UTP20: variants seen among roughly 807,000 people sequenced by gnomAD.
UTP20 encodes the protein small subunit processome component 20 homolog.
UTP20 carries 164 observed loss-of-function variants against 329.5 expected under a neutral mutation model. The ratio of observed to expected loss-of-function variants is 0.50; its 90% CI spans 0.44 to 0.57. UTP20 has a LOEUF of 0.57. UTP20 is among the 20% of genes least tolerant of loss of function. The pLI is 0.00. For missense variants in UTP20, 3,055 were observed against 3,284.2 expected, an observed-to-expected ratio of 0.93 and a Z score of 1.71; for synonymous variants, 1,151 against 1,159.3, an observed-to-expected ratio of 0.99 and a Z score of 0.14.
At chr12:101,326,819 G>A (rs1270347393) in intron 25 of UTP20, 1 of 240,812 alleles carries the variant, frequency 4.2e-6, no homozygotes, top group Non-Finnish European at 7.9e-6. Context: ...AAACTCCTGA[G>A]CTCAAGTGAT....
chr12:101,291,526 G>A, intron 8 of UTP20: 1 of 285,784 alleles, frequency 3.5e-6, no homozygotes, highest in Non-Finnish European at 5.8e-6. Context: ...GGCAATAAGA[G>A]TGAAACTCCA....
At chr12:101,309,732 C>A in intron 18 of UTP20, 31 bp from the exon 19 acceptor site, 1 of 1,597,258 alleles carries the variant, frequency 6.3e-7, no homozygotes, top group Non-Finnish European at 8.6e-7. Flanking sequence ...ATTTCATTAC[C>A]CAATACTAAA....
Position 101,345,675 on chromosome 12 carries a change from A to G in UTP20, c.4727A>G (p.Glu1576Gly). 6.2e-7 allele frequency: 1 copy of G among 1,609,510 alleles called. No individual in the cohort carries two copies. The highest frequency in any genetic ancestry group is 1.1e-5 in the South Asian group (1 of 89,440). ...HYHDPEMDFF[E>G]NMKHIQIHRR... ...CATGACCCAGAAATGGACTTCTTTG[A>G]GAACATGAAGCACATTCAGGTAGAA... Residue 1576 changes from glutamate (E) to glycine (G), a missense_variant, in exon 37 of 62, where the codon GAG becomes GGG. Coordinates refer to ENST00000261637, the MANE Select transcript of UTP20 (RefSeq NM_014503.3).
chr12:101,375,544 A>G, intron 55 of UTP20, 80 bp from the exon 56 acceptor site: 1 of 1,480,376 alleles, frequency 6.8e-7, no homozygotes, highest in South Asian at 1.2e-5. Context: ...AAACGGGTGG[A>G]TTGATGTGCT....
intron 7 of UTP20, among the ~76,000 whole-genome samples, chr12:101,290,524 G>T (rs1199361426): frequency 6.6e-6 from 1 of 152,180 alleles, no homozygotes; most frequent in Non-Finnish European, 1.5e-5. Flanking sequence ...GGCAAGGGCA[G>T]GTGGGGAGGG....
intron 7 of UTP20, 89 bp downstream of exon 7, chr12:101,290,363 C>T (rs1365916780): frequency 1.5e-5 from 22 of 1,447,702 alleles, no homozygotes; most frequent in Non-Finnish European, 1.9e-5. Context: ...GGAGGGAAGA[C>T]AGCCTAGAGT....
At chr12:101,295,182 G>A (rs1358639643) in intron 11 of UTP20, among the ~76,000 whole-genome samples, 2 of 152,078 alleles carry the variant, frequency 1.3e-5, no homozygotes, top group Non-Finnish European at 2.9e-5. Flanking sequence ...ATAATTTCCT[G>A]GGGGTAGGGA....
intron 26 of UTP20, among the ~76,000 whole-genome samples, chr12:101,327,973 G>A (rs1482481649): frequency 1.3e-5 from 2 of 152,152 alleles, no homozygotes; most frequent in Non-Finnish European, 2.9e-5. Context: ...GCTTAGAAAG[G>A]TATTTCACCC....
intron 38 of UTP20, among the ~76,000 whole-genome samples, chr12:101,351,425 C>T (rs752415014): frequency 1.3e-5 from 2 of 152,036 alleles, no homozygotes; most frequent in Admixed American, 6.5e-5. Flanking sequence ...GCGCCTGGTC[C>T]GTTTCATGTA....
rs35235306 is a variant in UTP20 at position 101,380,863 on chromosome 12, TAA to T, written c.7585-255_7585-254del. ...CGGGCCACAGAGTGAGACTCTGTCTTAAAAAAAAAAAAAAAAAAAAAAATGTA... is the reference window on the plus strand; with the variant it reads ...CGGGCCACAGAGTGAGACTCTGTCTTAAAAAAAAAAAAAAAAAAAAATGTA... On this transcript the variant is annotated intron_variant, in intron 57 of 61. Coordinates refer to ENST00000261637, the MANE Select transcript of UTP20 (RefSeq NM_014503.3). Among the ~76,000 whole-genome samples, 1,108 of 115,106 alleles carry T rather than the reference TAA, an allele frequency of 9.6e-3. 21 individuals carry two copies. The highest frequency in any genetic ancestry group is 0.032 in the African/African-American group (985 of 30,528). 75.5% of individuals were successfully genotyped at this position (115,106 alleles called of 152,430 possible).
intron 38 of UTP20, among the ~76,000 whole-genome samples, chr12:101,349,631 G>A (rs977250489): frequency 1.3e-5 from 2 of 152,054 alleles, no homozygotes; most frequent in Non-Finnish European, 2.9e-5. Context: ...GGTAGAGACA[G>A]GGTTTCATTA....
At chr12:101,307,377 T>C (rs1449851171) in intron 17 of UTP20, among the ~76,000 whole-genome samples, 3 of 151,506 alleles carry the variant, frequency 2.0e-5, no homozygotes, top group Non-Finnish European at 4.4e-5. Context: ...ATCTACCACA[T>C]ACCTCATTTC....
chr12:101,312,008 G>A (rs763140843), intron 20 of UTP20, 28 bp from the exon 21 acceptor site: 1 of 1,613,356 alleles, frequency 6.2e-7, no homozygotes. Context: ...TATTTGTCTG[G>A]TGGTTATGAC....
In UTP20 at chr12:101,365,438, A is replaced by T. The variant is rs137918401; in HGVS notation, c.5959-21A>T. ...TGCATTTCTGTGTCATCTCAGCATG[A>T]CATTTATGTTTTGCCTTTAGATCTT... is the stretch of plus-strand genomic sequence containing the variant. On this transcript the variant is annotated intron_variant, in intron 45 of 61. Transcript: ENST00000261637. 2.5e-6 allele frequency: 4 copies of T among 1,573,114 alleles called. No homozygotes were observed. In the African/African-American group the frequency reaches 4.1e-5, roughly 16 times the overall value.
At chr12:101,373,340 T>A in intron 52 of UTP20, 61 bp from the exon 53 acceptor site, 2 of 1,473,940 alleles carry the variant, frequency 1.4e-6, no homozygotes, top group Non-Finnish European at 1.9e-6. Flanking sequence ...TTTTCATTTT[T>A]TAAATAATTA....
chr12:101,299,647 C>G (rs748356240), intron 12 of UTP20, 35 bp from the exon 13 acceptor site: 4 of 1,529,304 alleles, frequency 2.6e-6, no homozygotes, highest in Non-Finnish European at 2.6e-6. Context: ...CGATTACATT[C>G]TCTGTTATTT....
rs180913369 is a variant in UTP20 at position 101,367,929 on chromosome 12, C to T, written c.6337C>T (p.Pro2113Ser). Residue 2113 changes from proline (P) to serine (S), a missense_variant, in exon 48 of 62, where the codon CCT (proline) becomes TCT (serine). This residue lies in a region of UTP20 where 2,445 missense variants were observed against 2,575.5 expected (regional missense o/e 0.95). Transcript: ENST00000261637. ...SGECVLEMLD[P>S]FVSLLIDCLG... is the part of the protein sequence containing the mutation. ...TGAATGTGTCCTGGAAATGCTGGAT[C>T]CTTTTGTGTCTCTCCTCATAGACTG... is the stretch of plus-strand genomic sequence containing the variant. 3.1e-6 allele frequency: 5 copies of T among 1,613,802 alleles called. No homozygotes were observed. The East Asian group carries it at 8.9e-5, about 29-fold the overall frequency.
At chr12:101,355,173 G>A in intron 41 of UTP20, 55 bp downstream of exon 41, 1 of 1,560,416 alleles carries the variant, frequency 6.4e-7, no homozygotes, top group Non-Finnish European at 8.7e-7. Flanking sequence ...TGTTGGTGGA[G>A]CCCTGTCACA....
chr12:101,334,434 C>T lies in UTP20; in HGVS notation c.3571C>T (p.Leu1191Phe). Residue 1191 changes from leucine (L) to phenylalanine (F), a missense_variant, in exon 29 of 62, where the codon CTT becomes TTT. Leu to Phe is a conservative substitution (Grantham distance 22). This residue lies in a region of UTP20 where 2,445 missense variants were observed against 2,575.5 expected (regional missense o/e 0.95). Transcript: ENST00000261637. ...TTACTTTGTCTCCTAGATCAGCAGG[C>T]TTGGATCTGAGAGTCAATATTCTCC... ...HGAVWPQISR[L>F]GSESQYSPTP... 1 of 1,611,754 alleles carries T rather than the reference C, an allele frequency of 6.2e-7. No homozygotes were observed. The highest frequency in any genetic ancestry group is 8.5e-7 in the Non-Finnish European group (1 of 1,179,718).
Sources: gnomAD v4.1 joint callset for allele counts (sites outside exome capture counted in the v4.1 genomes callset) on GRCh38, gnomAD v4.1.1 for gene constraint, gnomAD v4.1.1 regional missense constraint, MANE v1.5 for transcripts, NCBI Gene and HGNC (gene_info 2026-07-23, HGNC 2026-07-21) for gene names.